Variants in ZFYVE28 observed in about 807,000 individuals in gnomAD.
ZFYVE28 encodes the protein zinc finger FYVE-type containing 28.
A neutral mutation model predicts 82.1 loss-of-function variants in ZFYVE28; 40 were observed. The observed-to-expected ratio is 0.49, with a 90% CI of 0.38 to 0.63. The LOEUF (loss-of-function observed/expected upper bound fraction) is 0.63. Ranked by LOEUF, ZFYVE28 falls within the 30% of genes least tolerant of loss-of-function variation. ZFYVE28 has a pLI of 0.00. For missense variants in ZFYVE28, 1,321 were observed against 1,242.1 expected, an observed-to-expected ratio of 1.06 and a Z score of -0.96; for synonymous variants, 612 against 546.1, an observed-to-expected ratio of 1.12 and a Z score of -1.68.
At chr4:2,330,868 G>C (rs1459242825) in intron 6 of ZFYVE28, 1 of 1,535,142 alleles carries the variant, frequency 6.5e-7, no homozygotes, top group Middle Eastern at 1.7e-4. Context: ...GGACTGGTGT[G>C]GGCACGGTGC....
Position 2,274,188 on chromosome 4 carries a change from C to T in ZFYVE28, c.2080G>A (p.Asp694Asn). ...GGGGCCGCCTCTGGCCCCATCTTGT[C>T]TGAGGAGCAGGACCCAGCTGTGGAG... ...SSSTAGSCSS[D>N]KMGPEAAPAA... is the part of the protein sequence containing the mutation. The change falls in exon 9 of 13, where the codon GAC (aspartate) becomes AAC (asparagine). Residue 694 changes from aspartate (D) to asparagine (N), a missense_variant. By Grantham distance (23) the Asp-to-Asn change is conservative (BLOSUM62 1). This residue lies in a region of ZFYVE28 where 978 missense variants were observed against 833.7 expected (regional missense o/e 1.17). Coordinates refer to ENST00000290974, the MANE Select transcript of ZFYVE28 (RefSeq NM_020972.3). The T allele has an allele frequency of 3.1e-6, 5 of 1,613,820 alleles. No homozygotes were observed. The highest frequency in any genetic ancestry group is 3.4e-6 in the Non-Finnish European group (4 of 1,179,966).
At chr4:2,412,552 C>T (rs1299035559) in intron 1 of ZFYVE28, among the ~76,000 whole-genome samples, 1 of 136,706 alleles carries the variant, frequency 7.3e-6, no homozygotes, top group Admixed American at 8.3e-5. Flanking sequence ...AGACACATGA[C>T]CGGCAACCAC....
intron 1 of ZFYVE28, among the ~76,000 whole-genome samples, chr4:2,377,179 G>A (rs574366085): frequency 4.6e-5 from 7 of 151,264 alleles, no homozygotes; most frequent in Admixed American, 1.3e-4. Context: ...CCGCTACCAC[G>A]CCCAGCTAAT....
Position 2,341,976 on chromosome 4 carries a change from T to C in ZFYVE28, c.181-361A>G, listed in dbSNP as rs1578176792. On this transcript the variant is annotated intron_variant, in intron 2 of 12. Transcript: ENST00000290974. The surrounding 1 kb of genome is among the most constrained non-coding windows in gnomAD (Gnocchi z 4.5). ...CAGAGGTTGCAGTGAGCCGAGATGGTGCCATCGCACTCCAGCCAGGGCAAT... is the reference window on the plus strand; with the variant it reads ...CAGAGGTTGCAGTGAGCCGAGATGGCGCCATCGCACTCCAGCCAGGGCAAT... Among the ~76,000 whole-genome samples, 1 of 152,238 alleles carries C rather than the reference T, an allele frequency of 6.6e-6. No individual in the cohort carries two copies. Among genetic ancestry groups the C allele is most frequent in the African/African-American group, 2.4e-5 (1 of 41,554 alleles).
In ZFYVE28 at chr4:2,305,089, CT is replaced by C. The variant is rs774185938; in HGVS notation, c.1250del (p.Glu417GlyfsTer42). On this transcript the variant is annotated frameshift_variant, in exon 8 of 13. Transcript: ENST00000290974. LOFTEE classifies it high-confidence loss of function. ...CCCACCCAAATGGGCCAGCTGGGGA[CT>C]CGGGCCTGGCCAGGGCTTCTGCCGT... Reference protein sequence around the residue: ...EGTAEALARPESPAGPFGWAG... With the variant: ...EGTAEALARPXSPAGPFGWAG... 1 of 1,606,620 alleles carries C rather than the reference CT, an allele frequency of 6.2e-7. No individual in the cohort carries two copies.
At position 2,304,597 on chromosome 4, in the gene ZFYVE28, C is replaced by T. The variant is rs1442094574; in HGVS notation, c.1743G>A (p.Leu581=). Residue 581 remains leucine, a synonymous_variant, in exon 8 of 13, where the codon CTG becomes CTA. Transcript: ENST00000290974. The stretch of plus-strand genomic sequence containing the variant: ...CGCCTCCCGGGCTGCACTTCTCCCG[C>T]AGACGCTCCACCACGTCCTCCCTGC... ...GDSREDVVER[L]REKCSPGGVI... 6.2e-7 allele frequency: 1 copy of T among 1,612,420 alleles called. No homozygotes were observed. Among genetic ancestry groups the T allele is most frequent in the South Asian group, 1.1e-5 (1 of 91,060 alleles).
intron 7 of ZFYVE28, among the ~76,000 whole-genome samples, chr4:2,308,307 C>A (rs190569394): frequency 6.6e-6 from 1 of 151,994 alleles, no homozygotes; most frequent in Non-Finnish European, 1.5e-5. Context: ...TTATGAAGTA[C>A]ACACAGCAGA....
intron 6 of ZFYVE28, among the ~76,000 whole-genome samples, chr4:2,328,037 T>A (rs776279120): frequency 5.4e-5 from 8 of 148,072 alleles, no homozygotes; most frequent in Non-Finnish European, 9.1e-5. Context: ...TGCCATATGA[T>A]CCAGCAATCC....
intron 6 of ZFYVE28, among the ~76,000 whole-genome samples, chr4:2,327,568 C>T (rs2097298): frequency 0.19 from 28,405 of 151,378 alleles, 2,988 homozygotes; most frequent in African/African-American, 0.27. Flanking sequence ...TTCTTTTTTT[C>T]TGTTTTACAT....
rs750637197 is a variant in ZFYVE28, at chr4:2,353,923, C to T, written c.180+10G>A. On this transcript the variant is annotated intron_variant, in intron 2 of 12. Transcript: ENST00000290974. The stretch of plus-strand genomic sequence containing the variant: ...CGGGGCCAGCCAGCTTCTGCTGCCC[C>T]GTGGCTCACCTGACAGGAGCGGAAC... The T allele has an allele frequency of 1.2e-5, 18 of 1,504,606 alleles. No individual in the cohort carries two copies. Among genetic ancestry groups the T allele is most frequent in the South Asian group, 2.6e-5 (2 of 75,502 alleles). 93.2% of individuals were successfully genotyped at this position (1,504,606 alleles called of 1,614,324 possible).
intron 1 of ZFYVE28, among the ~76,000 whole-genome samples, chr4:2,378,387 G>A (rs572547367): frequency 6.6e-6 from 1 of 152,178 alleles, no homozygotes; most frequent in African/African-American, 2.4e-5. Context: ...GACCACCATT[G>A]TATATGTGGC....
intron 6 of ZFYVE28, among the ~76,000 whole-genome samples, chr4:2,326,196 T>A (rs1289288696): frequency 6.6e-6 from 1 of 152,236 alleles, no homozygotes; most frequent in African/African-American, 2.4e-5. Context: ...TCTGGTCTTA[T>A]ATTTAGCTCT....
chr4:2,375,795 A>G (rs1454347393), intron 1 of ZFYVE28, among the ~76,000 whole-genome samples: 1 of 152,236 alleles, frequency 6.6e-6, no homozygotes, highest in Non-Finnish European at 1.5e-5. Flanking sequence ...TTGGAGCCCC[A>G]GATTTCAGAG....
chr4:2,291,531 A>G (rs1713697984), intron 8 of ZFYVE28, among the ~76,000 whole-genome samples: 1 of 152,182 alleles, frequency 6.6e-6, no homozygotes, highest in African/African-American at 2.4e-5. Context: ...TGCCAGGAGC[A>G]GGGAGTAGGG....
At chr4:2,344,725 C>T (rs1169921724) in intron 2 of ZFYVE28, among the ~76,000 whole-genome samples, 1 of 151,822 alleles carries the variant, frequency 6.6e-6, no homozygotes, top group African/African-American at 2.4e-5. Context: ...GGAGAAACCC[C>T]GTCTCTACTA....
At chr4:2,382,278 C>T (rs1191061094) in intron 1 of ZFYVE28, among the ~76,000 whole-genome samples, 2 of 152,222 alleles carry the variant, frequency 1.3e-5, no homozygotes, top group Non-Finnish European at 2.9e-5. Flanking sequence ...AGAAGAGGGC[C>T]ACCGTCCTTC....
Position 2,273,284 on chromosome 4 carries a change from C to A in ZFYVE28, c.2212G>T (p.Ala738Ser), listed in dbSNP as rs1736081184. 6.2e-7 allele frequency: 1 copy of A among 1,611,054 alleles called. No homozygotes were observed. Among genetic ancestry groups the A allele is most frequent in the Non-Finnish European group, 8.5e-7 (1 of 1,179,336 alleles). ...HRLFVCISGV[A>S]DQLQTNYASD... Reference sequence around the variant, plus strand: ...GCATAGTTCGTCTGCAGCTGGTCAGCCACACCTGAGGAAGGAAGGCCACAG... The same window carrying A: ...GCATAGTTCGTCTGCAGCTGGTCAGACACACCTGAGGAAGGAAGGCCACAG... The change falls in exon 10 of 13, where the codon GCT becomes TCT. Residue 738 changes from alanine to serine, a missense_variant. Coordinates refer to ENST00000290974, the MANE Select transcript of ZFYVE28 (RefSeq NM_020972.3).
chr4:2,364,158 G>A (rs1726538787), intron 1 of ZFYVE28, among the ~76,000 whole-genome samples: 1 of 152,226 alleles, frequency 6.6e-6, no homozygotes, highest in African/African-American at 2.4e-5. Flanking sequence ...GGGGCACAGG[G>A]TGCCTGACGC....
At chr4:2,412,554 G>A (rs1732632004) in intron 1 of ZFYVE28, among the ~76,000 whole-genome samples, 1 of 134,608 alleles carries the variant, frequency 7.4e-6, no homozygotes, top group Admixed American at 8.5e-5. Flanking sequence ...ACACATGACC[G>A]GCAACCACTG....
Sources: gnomAD v4.1 joint callset for allele counts (sites outside exome capture counted in the v4.1 genomes callset) on GRCh38, gnomAD v4.1.1 for gene constraint, gnomAD v4.1.1 regional missense constraint, Gnocchi (gnomAD v3.1) non-coding constraint, MANE v1.5 for transcripts, NCBI Gene and HGNC (gene_info 2026-07-23, HGNC 2026-07-21) for gene names.